Variants in SLIT2 observed in about 807,000 individuals in gnomAD.
SLIT2 encodes slit guidance ligand 2.
A neutral mutation model predicts 185.7 loss-of-function variants in SLIT2; 41 were observed. That is an observed-to-expected ratio of 0.22 (90% confidence interval 0.17 to 0.29). The LOEUF (loss-of-function observed/expected upper bound fraction) is 0.29, where lower values mean the gene tolerates loss of function less well. SLIT2 is among the 10% of genes least tolerant of loss of function. The pLI is 1.00. For synonymous variants in SLIT2, 693 were observed against 680.2 expected, an observed-to-expected ratio of 1.02 and a Z score of -0.29; for missense variants, 1,571 against 1,909.0, an observed-to-expected ratio of 0.82 and a Z score of 3.30.
At chr4:20,371,560 A>G (rs1027256891) in intron 4 of SLIT2, among the ~76,000 whole-genome samples, 4 of 152,050 alleles carry the variant, frequency 2.6e-5, no homozygotes, top group African/African-American at 4.8e-5. Context: ...AGTTGCTAGG[A>G]TGATTCTATC....
At chr4:20,466,284 C>A (rs2148740288) in intron 4 of SLIT2, among the ~76,000 whole-genome samples, 1 of 152,126 alleles carries the variant, frequency 6.6e-6, no homozygotes, top group South Asian at 2.1e-4. Context: ...AAATCAATGG[C>A]AAACTGGAGA....
At chr4:20,466,721 A>G (rs536668662) in intron 4 of SLIT2, among the ~76,000 whole-genome samples, 320 of 152,238 alleles carry the variant, frequency 2.1e-3, no homozygotes, top group African/African-American at 7.2e-3. Flanking sequence ...GCCTTCTCAT[A>G]TTGGAAAATG....
At chr4:20,354,887 G>A (rs1297466336) in intron 4 of SLIT2, among the ~76,000 whole-genome samples, 1 of 82,490 alleles carries the variant, frequency 1.2e-5, no homozygotes, top group African/African-American at 4.5e-5. Context: ...GCAAGTCTGC[G>A]TGTGTGTGTG....
At chr4:20,263,028 T>G (rs1034614461) in intron 3 of SLIT2, among the ~76,000 whole-genome samples, 2 of 151,776 alleles carry the variant, frequency 1.3e-5, no homozygotes, top group Non-Finnish European at 2.9e-5. Flanking sequence ...CCTTTATACC[T>G]CCCCTGAAAT....
intron 9 of SLIT2, among the ~76,000 whole-genome samples, chr4:20,504,767 C>A (rs749077714): frequency 6.6e-6 from 1 of 151,878 alleles, no homozygotes; most frequent in Non-Finnish European, 1.5e-5. Flanking sequence ...GCAATAGTCC[C>A]CCCTCTTCCA....
In SLIT2 at chr4:20,344,775, T is replaced by C. The variant is rs184034511; in HGVS notation, c.395+75894T>C. Among the ~76,000 whole-genome samples the C allele has an allele frequency of 9.3e-4, 141 of 152,340 alleles. 1 individual carries two copies. The highest frequency in any genetic ancestry group is 3.2e-3 in the African/African-American group (131 of 41,576). On this transcript the variant is annotated intron_variant, in intron 4 of 36. Coordinates refer to ENST00000504154, the MANE Select transcript of SLIT2 (RefSeq NM_004787.4). ...TCATACTAATCCCCTTTAACCTCTG[T>C]GGGTTAAGAGATACTACTGATAACC...
intron 9 of SLIT2, among the ~76,000 whole-genome samples, chr4:20,494,872 A>G (rs972778906): frequency 2.6e-5 from 4 of 152,206 alleles, no homozygotes; most frequent in Non-Finnish European, 4.4e-5. Context: ...AGTAATTAAC[A>G]TAATAGAAAA....
intron 4 of SLIT2, among the ~76,000 whole-genome samples, chr4:20,288,859 TAGTC>T (rs1715529704): frequency 6.6e-6 from 1 of 152,160 alleles, no homozygotes; most frequent in Non-Finnish European, 1.5e-5. Flanking sequence ...TCCTGGTTCA[TAGTC>T]AGTGAGAGAG....
rs373022250 is a variant in SLIT2, at chr4:20,472,598, C to CTATA, written c.467+4776_467+4779dup. ...GATATATCTATATATAGATATATAT[C>CTATA]TATAGATATATCTATATATATCGAT... On this transcript the variant is annotated intron_variant, in intron 5 of 36. Transcript: ENST00000504154. 3.9e-4 allele frequency among the ~76,000 whole-genome samples: 3 copies of CTATA among 7,780 alleles called. 1 individual carries two copies. Among genetic ancestry groups the CTATA allele is most frequent in the African/African-American group, 1.2e-3 (2 of 1,670 alleles). The allele number at this position is 7,780 out of a possible 152,430, so 5.1% of individuals were successfully genotyped here.
In SLIT2 at chr4:20,602,408, AAAG is replaced by A. The variant is rs552505732; in HGVS notation, c.3692+4014_3692+4016del. ...GTAATTATTCTTTTAGCGTAGAAAT[AAAG>A]TAGTATGCATATTTTCTCATCTTAT... On this transcript the variant is annotated intron_variant, in intron 33 of 36. Coordinates refer to ENST00000504154, the MANE Select transcript of SLIT2 (RefSeq NM_004787.4). 3.9e-5 allele frequency among the ~76,000 whole-genome samples: 6 copies of A among 152,318 alleles called. No homozygotes were observed. The South Asian group carries it at 1.2e-3, about 32-fold the overall frequency.
chr4:20,326,685 C>T (rs1719620457), intron 4 of SLIT2, among the ~76,000 whole-genome samples: 1 of 148,722 alleles, frequency 6.7e-6, no homozygotes, highest in Non-Finnish European at 1.5e-5. Context: ...GAATTATCTA[C>T]TCAGTTTTTG....
intron 33 of SLIT2, among the ~76,000 whole-genome samples, chr4:20,609,247 C>T (rs1281658865): frequency 6.6e-6 from 1 of 151,992 alleles, no homozygotes; most frequent in Admixed American, 6.6e-5. Flanking sequence ...TTCTATAAGC[C>T]CTTCCAAGGT....
intron 4 of SLIT2, among the ~76,000 whole-genome samples, chr4:20,273,190 G>C (rs1476518582): frequency 6.6e-6 from 1 of 151,034 alleles, no homozygotes; most frequent in Non-Finnish European, 1.5e-5. Context: ...CATAGAAGGA[G>C]ACTTATTTTT....
intron 34 of SLIT2, chr4:20,616,642 C>T (rs1179812867): frequency 2.8e-6 from 1 of 353,498 alleles, no homozygotes; most frequent in African/African-American, 2.1e-5. Context: ...GTAAAGTTTT[C>T]TTTGAAGCAA....
chr4:20,505,414 A>G (rs1719114154), intron 9 of SLIT2, among the ~76,000 whole-genome samples: 1 of 152,156 alleles, frequency 6.6e-6, no homozygotes, highest in Non-Finnish European at 1.5e-5. Flanking sequence ...GGGCTATTGA[A>G]GATTTGGCAT....
intron 4 of SLIT2, among the ~76,000 whole-genome samples, chr4:20,337,482 A>G (rs183248409): frequency 5.7e-4 from 87 of 152,236 alleles, no homozygotes; most frequent in Non-Finnish European, 9.3e-4. Context: ...CCATGATTCA[A>G]TTACCTCCCA....
intron 4 of SLIT2, among the ~76,000 whole-genome samples, chr4:20,335,126 T>TG (rs1176506480): frequency 6.6e-6 from 1 of 152,120 alleles, no homozygotes. Flanking sequence ...TGTTGAGGAA[T>TG]GGGGGTCCCT....
At chr4:20,393,617 C>T (rs145118393) in intron 4 of SLIT2, 54 of 152,174 alleles carry the variant, frequency 3.5e-4, no homozygotes, top group African/African-American at 1.2e-3. Context: ...GCATGTATTA[C>T]GTGCATGTGT....
chr4:20,270,302 G>T (rs1460327502), intron 4 of SLIT2, among the ~76,000 whole-genome samples: 1 of 151,772 alleles, frequency 6.6e-6, no homozygotes, highest in African/African-American at 2.4e-5. Flanking sequence ...TTAAGGAATC[G>T]ACTTGGATTA....
Sources: gnomAD v4.1 joint callset for allele counts (sites outside exome capture counted in the v4.1 genomes callset) on GRCh38, gnomAD v4.1.1 for gene constraint, MANE v1.5 for transcripts, NCBI Gene and HGNC (gene_info 2026-07-23, HGNC 2026-07-21) for gene names.